Variants in MTBP observed in about 807,000 individuals in gnomAD.
MTBP encodes the protein mdm2-binding protein.
Under a neutral mutation model 117.0 loss-of-function variants are expected in MTBP, and 101 were observed. The observed-to-expected ratio is 0.86, with a 90% CI of 0.73 to 1.02. MTBP has a LOEUF of 1.02. MTBP is among the 50% of genes least tolerant of loss of function. The pLI is 0.00. For synonymous variants in MTBP, 350 were observed against 351.5 expected (o/e 1.00, Z 0.05); for missense variants, 970 against 1,030.9 (o/e 0.94, Z 0.81).
intron 1 of MTBP, among the ~76,000 whole-genome samples, 159 bp downstream of exon 1, chr8:120,445,747 T>C (rs1813212589): frequency 6.6e-6 from 1 of 152,154 alleles, no homozygotes; most frequent in Non-Finnish European, 1.5e-5. Context: ...AAAAATAGCA[T>C]CTTCATGGAA....
chr8:120,471,451 C>T (rs1813815005), intron 11 of MTBP: 1 of 152,192 alleles, frequency 6.6e-6, no homozygotes, highest in Admixed American at 6.6e-5. Context: ...TACAGGCACC[C>T]ACCACCATGC....
At chr8:120,507,832 C>A (rs952432431) in intron 16 of MTBP, among the ~76,000 whole-genome samples, 3 of 151,862 alleles carry the variant, frequency 2.0e-5, no homozygotes, top group East Asian at 1.9e-4. Context: ...AGATTGATAA[C>A]CTTTTGTTGT....
At position 120,463,961 on chromosome 8, in the gene MTBP, A is replaced by C. The variant is rs111290427; in HGVS notation, c.1047+200A>C. Among the ~76,000 whole-genome samples, 203 of 152,210 alleles carry C rather than the reference A, an allele frequency of 1.3e-3. 1 individual carries two copies. Among genetic ancestry groups the C allele is most frequent in the African/African-American group, 4.6e-3 (193 of 41,560 alleles). Reference sequence around the variant, plus strand: ...TAATAACTGTAAAAGTACTCTGCAAACATAAGTGACATTTTGTTTTTAGGA... The same window carrying C: ...TAATAACTGTAAAAGTACTCTGCAACCATAAGTGACATTTTGTTTTTAGGA... On this transcript the variant is annotated intron_variant, in intron 10 of 21. Coordinates refer to ENST00000305949, the MANE Select transcript of MTBP (RefSeq NM_022045.5).
At chr8:120,491,527 A>T (rs996659660) in intron 13 of MTBP, among the ~76,000 whole-genome samples, 3 of 152,170 alleles carry the variant, frequency 2.0e-5, no homozygotes, top group African/African-American at 7.2e-5. Context: ...AAGGCAAATC[A>T]TTTTTAATAA....
chr8:120,518,268 A>C (rs1814955571), intron 19 of MTBP, among the ~76,000 whole-genome samples, 168 bp downstream of exon 19: 1 of 152,056 alleles, frequency 6.6e-6, no homozygotes, highest in Non-Finnish European at 1.5e-5. Flanking sequence ...AATTGAAACA[A>C]GATTAGCCAC....
chr8:120,518,998 C>T (rs1488212525), intron 20 of MTBP, among the ~76,000 whole-genome samples, 181 bp downstream of exon 20: 1 of 151,936 alleles, frequency 6.6e-6, no homozygotes, highest in African/African-American at 2.4e-5. Flanking sequence ...TTTGAGTTCT[C>T]ATATATAGAA....
At position 120,455,501 on chromosome 8, in the gene MTBP, T is replaced by C. The variant is rs185386287; in HGVS notation, c.551T>C (p.Leu184Ser). Residue 184 changes from leucine (L) to serine (S), a missense_variant, in exon 6 of 22, where the codon TTA (leucine) becomes TCA (serine). By Grantham distance (145) the Leu-to-Ser change is moderately radical. Transcript: ENST00000305949. ...GATCCTCCTAAATTGAAAGACTATT[T>C]ACCTACTGTAGGAGCATTAAAACAT... ...DKDPPKLKDY[L>S]PTVGALKHLR... The C allele has an allele frequency of 6.2e-7, 1 of 1,606,044 alleles. No homozygotes were observed.
Position 120,504,445 on chromosome 8 carries a change from C to A in MTBP, c.1727+1836C>A, listed in dbSNP as rs577201819. Reference sequence around the variant, plus strand: ...CTGACTCTACCTGCATATTTGTTATCCTGGTATTTCTTTTGATTACATTTT... The same window carrying A: ...CTGACTCTACCTGCATATTTGTTATACTGGTATTTCTTTTGATTACATTTT... On this transcript the variant is annotated intron_variant, in intron 15 of 21. Coordinates refer to ENST00000305949, the MANE Select transcript of MTBP (RefSeq NM_022045.5). Among the ~76,000 whole-genome samples, 18 of 152,058 alleles carry A rather than the reference C, an allele frequency of 1.2e-4. No individual in the cohort carries two copies. The South Asian group carries it at 3.1e-3, about 26-fold the overall frequency.
chr8:120,460,489 A>G (rs1341444837), intron 8 of MTBP, among the ~76,000 whole-genome samples: 1 of 152,120 alleles, frequency 6.6e-6, no homozygotes, highest in East Asian at 1.9e-4. Context: ...CTCTTCAAGA[A>G]GTGTGCTCTT....
chr8:120,448,368 C>T (rs765862761), intron 2 of MTBP, among the ~76,000 whole-genome samples: 3 of 152,178 alleles, frequency 2.0e-5, no homozygotes, highest in Non-Finnish European at 2.9e-5. Context: ...ACTCTATTTA[C>T]ATTAGCTTTG....
intron 16 of MTBP, among the ~76,000 whole-genome samples, chr8:120,508,443 C>T (rs940997612): frequency 7.2e-5 from 11 of 152,000 alleles, no homozygotes; most frequent in Non-Finnish European, 1.5e-4. Flanking sequence ...TTCCATTTTA[C>T]AAAATTATTT....
intron 11 of MTBP, among the ~76,000 whole-genome samples, chr8:120,486,559 A>G (rs1358159388): frequency 6.6e-6 from 1 of 152,170 alleles, no homozygotes; most frequent in Non-Finnish European, 1.5e-5. Context: ...TTCTCATCAT[A>G]TGCGTCAGGA....
chr8:120,464,614 G>T (rs978860244), intron 10 of MTBP, among the ~76,000 whole-genome samples: 1 of 151,924 alleles, frequency 6.6e-6, no homozygotes, highest in Non-Finnish European at 1.5e-5. Flanking sequence ...AAGGAAAAAT[G>T]ATTTTGACCT....
chr8:120,495,505 A>G (rs1054924522), intron 13 of MTBP, among the ~76,000 whole-genome samples: 1 of 151,166 alleles, frequency 6.6e-6, no homozygotes, highest in African/African-American at 2.4e-5. Context: ...TGAAATCTGA[A>G]TTTTTTTTTA....
chr8:120,451,424 A>G (rs1813343832), intron 4 of MTBP, 102 bp downstream of exon 4: 2 of 1,019,450 alleles, frequency 2.0e-6, no homozygotes, highest in Non-Finnish European at 2.8e-6. Flanking sequence ...TCTTTACTGA[A>G]GAAACTCTAG....
intron 4 of MTBP, among the ~76,000 whole-genome samples, chr8:120,453,422 G>T (rs756390817): frequency 1.3e-5 from 2 of 152,086 alleles, no homozygotes; most frequent in Non-Finnish European, 2.9e-5. Context: ...ACTCCAGCCT[G>T]CGTGACAGAG....
chr8:120,490,443 T>C lies in MTBP; in HGVS notation c.1340-20T>C, dbSNP rs1018422176. ...AAAGGGCATCATTAATGTTGACCTT[T>C]TTTTTTTCTTATTTCTCAGGTTTTC... On this transcript the variant is annotated intron_variant, in intron 12 of 21. Coordinates refer to ENST00000305949, the MANE Select transcript of MTBP (RefSeq NM_022045.5). The C allele has an allele frequency of 6.6e-7, 1 of 1,509,416 alleles. No homozygotes were observed. Among genetic ancestry groups the C allele is most frequent in the African/African-American group, 1.4e-5 (1 of 72,160 alleles). The allele number at this position is 1,509,416 out of a possible 1,614,324, so 93.5% of individuals were successfully genotyped here.
rs1321545522 is a variant in MTBP, at chr8:120,515,691, A to G, written c.1980-234A>G. Among the ~76,000 whole-genome samples, 4 of 152,032 alleles carry G rather than the reference A, an allele frequency of 2.6e-5. No homozygotes were observed. In the East Asian group the frequency reaches 7.7e-4, roughly 29 times the overall value. ...ACTTAATCTGTTGCCCAGAAACACA[A>G]GTGAAAGAGAAACACAAGTGAAAGA... On this transcript the variant is annotated intron_variant, in intron 17 of 21. Transcript: ENST00000305949.
chr8:120,470,661 A>G (rs1309000528), intron 10 of MTBP, among the ~76,000 whole-genome samples, 159 bp from the exon 11 acceptor site: 1 of 152,126 alleles, frequency 6.6e-6, no homozygotes, highest in African/African-American at 2.4e-5. Flanking sequence ...AGGGTGGGCC[A>G]TTGTTCTTAC....
Sources: gnomAD v4.1 joint callset for allele counts (sites outside exome capture counted in the v4.1 genomes callset) on GRCh38, gnomAD v4.1.1 for gene constraint, MANE v1.5 for transcripts, NCBI Gene and HGNC (gene_info 2026-07-23, HGNC 2026-07-21) for gene names.